SNRPG: variants seen among roughly 807,000 people sequenced by gnomAD.
The protein encoded by SNRPG is small nuclear ribonucleoprotein polypeptide G.
Under a neutral mutation model 13.9 loss-of-function variants are expected in SNRPG, and 3 were observed. The ratio of observed to expected loss-of-function variants is 0.22; its 90% confidence interval spans 0.10 to 0.56. The LOEUF (loss-of-function observed/expected upper bound fraction) is 0.56. SNRPG is among the 20% of genes least tolerant of loss of function. The pLI is 0.93. For synonymous variants in SNRPG, 29 were observed against 29.3 expected, an observed-to-expected ratio of 0.99 and a Z score of 0.03; for missense variants, 34 against 96.1, an observed-to-expected ratio of 0.35 and a Z score of 2.70.
intron 2 of SNRPG, among the ~76,000 whole-genome samples, 173 bp from the exon 3 acceptor site, chr2:70,288,365 A>G (rs554084889): frequency 2.0e-5 from 3 of 151,862 alleles, no homozygotes; most frequent in South Asian, 2.1e-4. Context: ...ATTTTAATTT[A>G]TAAGAATCCT....
intron 1 of SNRPG, chr2:70,293,208 T>TA (rs1277382735): frequency 2.8e-6 from 2 of 702,290 alleles, no homozygotes; most frequent in African/African-American, 3.5e-5. Context: ...CACGTAGTTT[T>TA]AAAAACACTT....
intron 3 of SNRPG, among the ~76,000 whole-genome samples, chr2:70,286,387 TAGAAA>T (rs1295202255): frequency 6.6e-6 from 1 of 151,404 alleles, no homozygotes; most frequent in African/African-American, 2.5e-5. Flanking sequence ...CTTCCAACTT[TAGAAA>T]AGTCAAAAAG....
chr2:70,289,682 A>T (rs1697031157), intron 1 of SNRPG, among the ~76,000 whole-genome samples: 1 of 152,082 alleles, frequency 6.6e-6, no homozygotes, highest in Admixed American at 6.5e-5. Context: ...GTGGTGGCAC[A>T]TGCCTATGGT....
intron 1 of SNRPG, among the ~76,000 whole-genome samples, chr2:70,290,150 T>A (rs147278225): frequency 6.6e-6 from 1 of 152,012 alleles, no homozygotes; most frequent in Admixed American, 6.6e-5. Flanking sequence ...TCTGGTCTCA[T>A]TGACCTAATT....
chr2:70,289,884 G>A (rs1477713965), intron 1 of SNRPG, among the ~76,000 whole-genome samples: 1 of 151,944 alleles, frequency 6.6e-6, no homozygotes, highest in Non-Finnish European at 1.5e-5. Context: ...TTGGGAAGAG[G>A]AAAGGCAATA....
intron 1 of SNRPG, 61 bp downstream of exon 1, chr2:70,293,557 C>G (rs1574000495): frequency 2.1e-6 from 3 of 1,398,704 alleles, no homozygotes; most frequent in African/African-American, 1.4e-5. Flanking sequence ...GGAGAGGGAA[C>G]CAAGGGACTC....
chr2:70,288,237 C>A, intron 2 of SNRPG, 45 bp from the exon 3 acceptor site: 3 of 1,551,048 alleles, frequency 1.9e-6, no homozygotes, highest in South Asian at 2.2e-5. Context: ...ATTCCATTAG[C>A]TACCAAGCAT....
intron 3 of SNRPG, among the ~76,000 whole-genome samples, chr2:70,287,006 G>C (rs191853327): frequency 5.1e-4 from 78 of 152,292 alleles, no homozygotes; most frequent in Middle Eastern, 3.4e-3. Flanking sequence ...TGAAAGACAA[G>C]TCAATTTACA....
intron 2 of SNRPG, 110 bp from the exon 3 acceptor site, chr2:70,288,302 T>C: frequency 1.2e-6 from 1 of 825,270 alleles, no homozygotes; most frequent in Non-Finnish European, 2.0e-6. Flanking sequence ...TGAAACCCAC[T>C]ATCCTTACTG....
intron 3 of SNRPG, among the ~76,000 whole-genome samples, chr2:70,282,986 C>G (rs187776501): frequency 1.3e-5 from 2 of 149,628 alleles, no homozygotes; most frequent in East Asian, 4.0e-4. Flanking sequence ...CCCAGCTACT[C>G]AGGAGGCTGA....
chr2:70,286,158 G>A (rs1305683372), intron 3 of SNRPG, among the ~76,000 whole-genome samples: 2 of 152,104 alleles, frequency 1.3e-5, no homozygotes, highest in Non-Finnish European at 2.9e-5. Context: ...AAACTCCTGG[G>A]CTCAAGTGAT....
rs750698198 is a variant in SNRPG, at chr2:70,293,665, G to A, written c.-16C>T. 4.3e-6 allele frequency: 7 copies of A among 1,613,856 alleles called. No individual in the cohort carries two copies. In the East Asian group the frequency reaches 1.3e-4, roughly 31 times the overall value. ...CTTTGCTCATGGTGTATACTCCGCG[G>A]GCTCACAGATGCCTTGGAACGCAAC... is the stretch of plus-strand genomic sequence containing the variant. On this transcript the variant is annotated 5_prime_UTR_variant, in exon 1 of 4. Coordinates refer to ENST00000272348, the MANE Select transcript of SNRPG (RefSeq NM_003096.4).
chr2:70,292,991 C>T (rs995992829), intron 1 of SNRPG: 1 of 595,496 alleles, frequency 1.7e-6, no homozygotes, highest in South Asian at 2.1e-5. Context: ...AAAAAATTAG[C>T]CTTCTCTGAC....
At chr2:70,286,731 T>C (rs1019843050) in intron 3 of SNRPG, among the ~76,000 whole-genome samples, 12 of 152,178 alleles carry the variant, frequency 7.9e-5, no homozygotes, top group African/African-American at 2.9e-4. Context: ...TCTGATAAAA[T>C]TCCAATGAGC....
chr2:70,287,343 G>A (rs1204511035), intron 3 of SNRPG: 1 of 702,652 alleles, frequency 1.4e-6, no homozygotes, highest in Non-Finnish European at 2.6e-6. Context: ...CAAGAACTTT[G>A]GGCTTACCGC....
chr2:70,287,740 C>T, intron 3 of SNRPG: 1 of 397,328 alleles, frequency 2.5e-6, no homozygotes, highest in South Asian at 3.5e-5. Flanking sequence ...AAGAAGATTC[C>T]CTGGGGATTC....
chr2:70,281,426 A>T lies in SNRPG; in HGVS notation c.*208T>A. 1 of 403,476 alleles carries T rather than the reference A, an allele frequency of 2.5e-6. No homozygotes were observed. Among genetic ancestry groups the T allele is most frequent in the Admixed American group, 4.5e-5 (1 of 22,134 alleles). The allele number at this position is 403,476 out of a possible 1,614,324, so 25.0% of individuals were successfully genotyped here. The stretch of plus-strand genomic sequence containing the variant: ...TAATGCATAAAACCCTTTGAAATCA[A>T]TGTCAACCAGGAAAATTCATGTTAG... On this transcript the variant is annotated 3_prime_UTR_variant, in exon 4 of 4. Coordinates refer to ENST00000272348, the MANE Select transcript of SNRPG (RefSeq NM_003096.4).
At chr2:70,288,625 G>T (rs1163116334) in intron 2 of SNRPG, among the ~76,000 whole-genome samples, 1 of 152,142 alleles carries the variant, frequency 6.6e-6, no homozygotes, top group Non-Finnish European at 1.5e-5. Context: ...CAAGCTGAAG[G>T]CTGCTTACCT....
intron 1 of SNRPG, 125 bp downstream of exon 1, chr2:70,293,493 G>T: frequency 1.1e-6 from 1 of 894,256 alleles, no homozygotes; most frequent in South Asian, 1.3e-5. Flanking sequence ...GGATCCCGGC[G>T]ACCTCGGACC....
Sources: allele counts gnomAD v4.1 joint callset (sites outside exome capture counted in the v4.1 genomes callset), GRCh38; gene constraint gnomAD v4.1.1; transcripts MANE v1.5; gene names NCBI Gene and HGNC (gene_info 2026-07-23, HGNC 2026-07-21).